The following COL4A2 variants were observed in gnomAD, a reference collection of about 807,000 sequenced individuals.
The protein encoded by COL4A2 is collagen type IV alpha 2 chain, also known as collagen alpha-2(IV) chain.
A neutral mutation model predicts 200.2 loss-of-function variants in COL4A2; 99 were observed. That is an observed-to-expected ratio of 0.49 (90% CI 0.42 to 0.58). COL4A2 has a LOEUF of 0.58. COL4A2 is among the 20% of genes least tolerant of loss of function. COL4A2 has a pLI of 0.00. For missense variants in COL4A2, 1,950 were observed against 2,314.1 expected (o/e 0.84, Z 3.23); for synonymous variants, 897 against 900.6 (o/e 1.00, Z 0.07).
At position 110,459,007 on chromosome 13, in the gene COL4A2, A is replaced by G. The variant is rs1881906047; in HGVS notation, c.1596+73A>G. On this transcript the variant is annotated intron_variant, in intron 22 of 47. Transcript: ENST00000360467. Reference sequence around the variant, plus strand: ...CCCAGGTGTCCCGTTCTTGCCTTTTATCTCCTAAGTTTACACAGCTTCAGA... The same window carrying G: ...CCCAGGTGTCCCGTTCTTGCCTTTTGTCTCCTAAGTTTACACAGCTTCAGA... 1.2e-5 allele frequency: 17 copies of G among 1,385,418 alleles called. 1 individual carries two copies. The South Asian group carries it at 2.2e-4, about 18-fold the overall frequency. 85.8% of individuals were successfully genotyped at this position (1,385,418 alleles called of 1,614,324 possible).
At chr13:110,326,959 C>T (rs758158409) in intron 3 of COL4A2, among the ~76,000 whole-genome samples, 18 of 152,224 alleles carry the variant, frequency 1.2e-4, no homozygotes, top group Non-Finnish European at 2.4e-4. Flanking sequence ...CGTGATAAGC[C>T]TGTTTAATGT....
intron 3 of COL4A2, among the ~76,000 whole-genome samples, chr13:110,355,810 T>TG (rs1343547114): frequency 4.3e-4 from 12 of 28,194 alleles, no homozygotes; most frequent in East Asian, 2.0e-3. Context: ...CCTGTGTGAG[T>TG]GGGGAGGGCT....
chr13:110,450,217 GC>G, intron 19 of COL4A2, 87 bp from the exon 20 acceptor site: 1 of 1,139,326 alleles, frequency 8.8e-7, no homozygotes. Flanking sequence ...GCCCGCTAGT[GC>G]CCCAGTGGGC....
At chr13:110,507,706 TGA>T in intron 46 of COL4A2, 1 of 590,712 alleles carries the variant, frequency 1.7e-6, no homozygotes, top group East Asian at 2.8e-5. Context: ...CCAGTATGTG[TGA>T]GAACTTGTAG....
intron 4 of COL4A2, 115 bp downstream of exon 4, chr13:110,357,667 C>A: frequency 7.0e-7 from 1 of 1,438,170 alleles, no homozygotes. Context: ...ATTGCTTGAA[C>A]ATACTGGAGA....
At chr13:110,331,623 AAAGCCAAGT>A in intron 3 of COL4A2, among the ~76,000 whole-genome samples, 1 of 152,288 alleles carries the variant, frequency 6.6e-6, no homozygotes, top group South Asian at 2.1e-4. Flanking sequence ...TCACAACCAC[AAAGCCAAGT>A]TTCTAAGACC....
chr13:110,513,097 C>T lies in COL4A2; in HGVS notation c.*906C>T, dbSNP rs1406441377. On this transcript the variant is annotated 3_prime_UTR_variant, in exon 48 of 48. Transcript: ENST00000360467. ...CGTCTGCTCAGATGGATGCGAGGCA[C>T]AGCGTCCGCCCACGCTGCTGTTTTT... 6.6e-6 allele frequency: 1 copy of T among 152,200 alleles called. No individual in the cohort carries two copies. Among genetic ancestry groups the T allele is most frequent in the Non-Finnish European group, 1.5e-5 (1 of 68,032 alleles). 9.4% of individuals were successfully genotyped at this position (152,200 alleles called of 1,614,324 possible). A position where few individuals can be genotyped will look rare whatever the true frequency, so the allele number is the denominator to read the frequency against.
intron 4 of COL4A2, among the ~76,000 whole-genome samples, chr13:110,374,638 C>T (rs1191374247): frequency 6.6e-6 from 1 of 152,210 alleles, no homozygotes; most frequent in Non-Finnish European, 1.5e-5. Flanking sequence ...TTGCTTTCCT[C>T]TTTGCTCACA....
intron 16 of COL4A2, among the ~76,000 whole-genome samples, chr13:110,442,033 C>T (rs780978805): frequency 7.3e-6 from 1 of 137,888 alleles, no homozygotes; most frequent in Non-Finnish European, 1.5e-5. Context: ...TTGCAGTGAG[C>T]CAAGATCGCA....
chr13:110,337,406 G>A (rs1594154938), intron 3 of COL4A2, among the ~76,000 whole-genome samples: 1 of 152,230 alleles, frequency 6.6e-6, no homozygotes, highest in Admixed American at 6.5e-5. Flanking sequence ...CAGAGTGATG[G>A]TCCCAGCAAG....
intron 3 of COL4A2, among the ~76,000 whole-genome samples, chr13:110,326,799 C>T (rs1049254160): frequency 1.3e-5 from 2 of 152,174 alleles, no homozygotes; most frequent in Non-Finnish European, 2.9e-5. Context: ...GCCCTCTGCT[C>T]GGCCACCTGT....
intron 34 of COL4A2, among the ~76,000 whole-genome samples, chr13:110,487,598 TCTAA>T (rs1482574756): frequency 6.6e-6 from 1 of 152,218 alleles, no homozygotes; most frequent in Non-Finnish European, 1.5e-5. Context: ...CGTGGTATAT[TCTAA>T]CCAGACACAG....
chr13:110,498,112 G>A (rs943446369), intron 40 of COL4A2, among the ~76,000 whole-genome samples: 4 of 152,220 alleles, frequency 2.6e-5, no homozygotes, highest in African/African-American at 7.2e-5. Flanking sequence ...CTTGTTCTGC[G>A]TCTCACGTGC....
intron 3 of COL4A2, among the ~76,000 whole-genome samples, chr13:110,354,684 TAAG>T (rs1353483754): frequency 1.3e-5 from 2 of 151,334 alleles, no homozygotes; most frequent in Non-Finnish European, 2.9e-5. Context: ...TAAAGAATTA[TAAG>T]AAGAACATAA....
chr13:110,454,528 A>G (rs1478480839), intron 20 of COL4A2, among the ~76,000 whole-genome samples: 1 of 152,104 alleles, frequency 6.6e-6, no homozygotes, highest in Non-Finnish European at 1.5e-5. Flanking sequence ...ACAGAGAACA[A>G]AGCTCACAAA....
chr13:110,316,875 T>TATATTATA lies in COL4A2; in HGVS notation c.99+8752_99+8753insATATTATA, dbSNP rs1344360268. ...TATACACGTCAAAATACAGAAATTG[T>TATATTATA]GGTACATGTAAAACATAGATATGTA... On this transcript the variant is annotated intron_variant, in intron 3 of 47. Coordinates refer to ENST00000360467, the MANE Select transcript of COL4A2 (RefSeq NM_001846.4). 5.4e-4 allele frequency among the ~76,000 whole-genome samples: 83 copies of TATATTATA among 152,298 alleles called. No homozygotes were observed. The East Asian group carries it at 0.012, about 21-fold the overall frequency.
chr13:110,389,539 C>T (rs76067633), intron 4 of COL4A2, among the ~76,000 whole-genome samples: 2,026 of 152,304 alleles, frequency 0.013, 39 homozygotes, highest in African/African-American at 0.045. Context: ...CAGGAGGGCC[C>T]GGCTCAGGGA....
intron 3 of COL4A2, among the ~76,000 whole-genome samples, chr13:110,319,259 T>C (rs1403276388): frequency 6.6e-6 from 1 of 152,150 alleles, no homozygotes; most frequent in Non-Finnish European, 1.5e-5. Context: ...TCCATTTTCC[T>C]TAAGTTTAGG....
At chr13:110,391,424 T>A (rs1005369096) in intron 4 of COL4A2, among the ~76,000 whole-genome samples, 1 of 152,224 alleles carries the variant, frequency 6.6e-6, no homozygotes, top group Non-Finnish European at 1.5e-5. Flanking sequence ...GCATCTCTGT[T>A]GCTTCCCTGC....
Sources: allele counts gnomAD v4.1 joint callset (sites outside exome capture counted in the v4.1 genomes callset), GRCh38; gene constraint gnomAD v4.1.1; transcripts MANE v1.5; gene names NCBI Gene and HGNC (gene_info 2026-07-23, HGNC 2026-07-21).